ERC2: variants seen among roughly 807,000 people sequenced by gnomAD.
ERC2 encodes ELKS/RAB6-interacting/CAST family member 2.
In ERC2, 42 loss-of-function variants were observed where a neutral mutation model predicts 114.8. The observed-to-expected ratio is 0.37, with a 90% CI of 0.29 to 0.47. The LOEUF is 0.47. Ranked by LOEUF, ERC2 falls within the 20% of genes least tolerant of loss-of-function variation. ERC2 has a pLI of 0.99. For synonymous variants in ERC2, 454 were observed against 425.5 expected (o/e 1.07, Z -0.82); for missense variants, 939 against 1,150.7 (o/e 0.82, Z 2.66).
At position 55,932,310 on chromosome 3, in the gene ERC2, A is replaced by G. The variant is rs1323678644; in HGVS notation, c.2403+18115T>C. 4.6e-5 allele frequency among the ~76,000 whole-genome samples: 7 copies of G among 152,338 alleles called. No homozygotes were observed. In the East Asian group the frequency reaches 1.3e-3, roughly 29 times the overall value. On this transcript the variant is annotated intron_variant, in intron 13 of 17. Coordinates refer to ENST00000288221, the MANE Select transcript of ERC2 (RefSeq NM_015576.3). ...ATTTCTATGTACCGAGAAGAACTTTAAAGCAGATGAAGGCAATAATGATGT... is the reference window on the plus strand; with the variant it reads ...ATTTCTATGTACCGAGAAGAACTTTGAAGCAGATGAAGGCAATAATGATGT...
chr3:56,125,438 A>T (rs1323727518), intron 6 of ERC2, among the ~76,000 whole-genome samples: 1 of 152,210 alleles, frequency 6.6e-6, no homozygotes, highest in Non-Finnish European at 1.5e-5. Context: ...TCGTGTGGCC[A>T]TCATCTGTGC....
intron 3 of ERC2, among the ~76,000 whole-genome samples, chr3:56,257,264 A>G (rs905590897): frequency 6.6e-6 from 1 of 152,202 alleles, no homozygotes; most frequent in Non-Finnish European, 1.5e-5. Flanking sequence ...TCTGATTTAA[A>G]ATACTGAAAA....
At chr3:55,980,099 T>C in intron 12 of ERC2, among the ~76,000 whole-genome samples, 1 of 130,452 alleles carries the variant, frequency 7.7e-6, no homozygotes. Context: ...GCACGAAGTG[T>C]AAATTAGAAA....
intron 6 of ERC2, among the ~76,000 whole-genome samples, chr3:56,084,687 ACATTGGAGACTTAGAAG>A (rs2077410877): frequency 6.6e-6 from 1 of 152,002 alleles, no homozygotes; most frequent in Non-Finnish European, 1.5e-5. Flanking sequence ...CGTATAATGG[ACATTGGAGACTTAGAAG>A]CAGGAAGGGT....
chr3:56,415,506 C>T lies in ERC2; in HGVS notation c.657+18845G>A, dbSNP rs1048620266. On this transcript the variant is annotated intron_variant, in intron 2 of 17. Coordinates refer to ENST00000288221, the MANE Select transcript of ERC2 (RefSeq NM_015576.3). The stretch of plus-strand genomic sequence containing the variant: ...TATAGAAATTGTATTTAAGCCAGGG[C>T]ATCTGCCATTTAAGAAAGCCATGAG... Among the ~76,000 whole-genome samples, 29 of 152,232 alleles carry T rather than the reference C, an allele frequency of 1.9e-4. 1 individual carries two copies. Among genetic ancestry groups the T allele is most frequent in the Non-Finnish European group, 5.9e-5 (4 of 68,048 alleles).
Position 55,714,661 on chromosome 3 carries a change from G to GTATATATATATATATGTATATATA in ERC2, c.2713-15150_2713-15149insTATATATACATATATATATATATA, listed in dbSNP as rs59260283. Among the ~76,000 whole-genome samples the GTATATATATATATATGTATATATA allele has an allele frequency of 4.6e-4, 33 of 71,762 alleles. 1 individual carries two copies. The highest frequency in any genetic ancestry group is 2.4e-3 in the Admixed American group (11 of 4,590). The allele number at this position is 71,762 out of a possible 152,430, so 47.1% of individuals were successfully genotyped here. A position where few individuals can be genotyped will look rare whatever the true frequency, so the allele number is the denominator to read the frequency against. On this transcript the variant is annotated intron_variant, in intron 15 of 17. Transcript: ENST00000288221. ...TATATGTGTGTGTGTGTGTGTGTGT[G>GTATATATATATATATGTATATATA]TGTGTGTATATATATATATATATAT...
At chr3:56,179,964 T>A (rs919783646) in intron 3 of ERC2, among the ~76,000 whole-genome samples, 3 of 151,700 alleles carry the variant, frequency 2.0e-5, no homozygotes, top group Non-Finnish European at 2.9e-5. Flanking sequence ...AGAAGAGAGA[T>A]CAGAGTATTG....
At chr3:56,118,636 C>CTT (rs66888697) in intron 6 of ERC2, among the ~76,000 whole-genome samples, 11,179 of 127,790 alleles carry the variant, frequency 0.087, 711 homozygotes, top group African/African-American at 0.15. Flanking sequence ...TATTCCTTTT[C>CTT]TTTTTTTTTT....
intron 16 of ERC2, among the ~76,000 whole-genome samples, chr3:55,687,273 C>A (rs1381475756): frequency 3.3e-5 from 5 of 152,052 alleles, no homozygotes; most frequent in Non-Finnish European, 7.4e-5. Context: ...AGAAGAAACT[C>A]TATAATCTGA....
At chr3:56,191,994 T>C (rs1216686757) in intron 3 of ERC2, among the ~76,000 whole-genome samples, 1 of 152,238 alleles carries the variant, frequency 6.6e-6, no homozygotes, top group East Asian at 1.9e-4. Context: ...AGCAGGTACA[T>C]GTTAAGTATA....
chr3:56,269,258 C>T (rs960546197), intron 3 of ERC2, among the ~76,000 whole-genome samples: 3 of 152,192 alleles, frequency 2.0e-5, no homozygotes, highest in Admixed American at 1.3e-4. Flanking sequence ...TTAGATCCTT[C>T]CTGGTTCTCA....
Position 55,699,469 on chromosome 3 carries a change from T to C in ERC2, c.2756A>G (p.Asp919Gly), listed in dbSNP as rs2063111797. Residue 919 changes from aspartate to glycine, a missense_variant, in exon 16 of 18, where the codon GAC (aspartate) becomes GGC (glycine). By Grantham distance (94) the Asp-to-Gly change is moderately conservative. Transcript: ENST00000288221. ...MKLMADNYDD[D>G]HHHYHHHHHH... ...GTGGTGGTGGTGGTAATGGTGATGGTCATCATCATAGTTGTCTGCCATCAA... is the reference window on the plus strand; with the variant it reads ...GTGGTGGTGGTGGTAATGGTGATGGCCATCATCATAGTTGTCTGCCATCAA... 6 of 1,613,364 alleles carry C rather than the reference T, an allele frequency of 3.7e-6. No individual in the cohort carries two copies. The highest frequency in any genetic ancestry group is 1.3e-5 in the African/African-American group (1 of 74,862).
At chr3:56,290,839 AC>A (rs1300888555) in intron 3 of ERC2, among the ~76,000 whole-genome samples, 3 of 151,980 alleles carry the variant, frequency 2.0e-5, no homozygotes, top group Non-Finnish European at 4.4e-5. Flanking sequence ...CTGTCTGCCC[AC>A]CCCCAGCACA....
intron 14 of ERC2, among the ~76,000 whole-genome samples, chr3:55,738,530 G>A (rs1412716095): frequency 6.6e-6 from 1 of 151,998 alleles, no homozygotes. Context: ...AATATGTTCT[G>A]TCTGTCCTTC....
chr3:56,410,399 C>T (rs532903857), intron 2 of ERC2, among the ~76,000 whole-genome samples: 5 of 152,336 alleles, frequency 3.3e-5, no homozygotes, highest in Admixed American at 6.5e-5. Flanking sequence ...GCTCTTCCCA[C>T]AGCACGATAT....
chr3:56,311,818 AAT>A (rs1491336985), intron 2 of ERC2, among the ~76,000 whole-genome samples: 22 of 91,140 alleles, frequency 2.4e-4, no homozygotes, highest in South Asian at 8.5e-4. Flanking sequence ...TATACATATA[AAT>A]GTGTGTGTGT....
intron 2 of ERC2, among the ~76,000 whole-genome samples, chr3:56,419,322 G>A (rs2061296960): frequency 6.6e-6 from 1 of 152,202 alleles, no homozygotes; most frequent in African/African-American, 2.4e-5. Flanking sequence ...ATTGCCAGAG[G>A]TAAACTTGGA....
intron 2 of ERC2, 134 bp downstream of exon 2, chr3:56,434,217 C>T (rs1559496982): frequency 1.4e-6 from 1 of 729,354 alleles, no homozygotes; most frequent in Non-Finnish European, 2.2e-6. Flanking sequence ...GTGTCTAAGT[C>T]AAACACATAC....
At chr3:55,540,093 G>A (rs2054295203) in intron 17 of ERC2, among the ~76,000 whole-genome samples, 1 of 152,112 alleles carries the variant, frequency 6.6e-6, no homozygotes, top group Non-Finnish European at 1.5e-5. Context: ...GAGTTCTTGG[G>A]AGATAAGGAT....
Sources: gnomAD v4.1 joint callset for allele counts (sites outside exome capture counted in the v4.1 genomes callset) on GRCh38, gnomAD v4.1.1 for gene constraint, MANE v1.5 for transcripts, NCBI Gene and HGNC (gene_info 2026-07-23, HGNC 2026-07-21) for gene names.